Variants in PALMD observed in about 807,000 individuals in gnomAD.
The protein encoded by PALMD is paralemmin-like protein.
PALMD carries 42 observed loss-of-function variants against 56.2 expected under a neutral mutation model. The observed-to-expected ratio is 0.75, with a 90% CI of 0.58 to 0.97. PALMD has a LOEUF of 0.97. Ranked by LOEUF, PALMD falls within the 50% of genes least tolerant of loss-of-function variation. The pLI, the probability that PALMD is intolerant of heterozygous loss-of-function variation, is 0.00. For synonymous variants in PALMD, 242 were observed against 222.9 expected (o/e 1.09, Z -0.76); for missense variants, 660 against 643.8 (o/e 1.03, Z -0.27).
chr1:99,656,546 T>A (rs1382234231), intron 1 of PALMD, among the ~76,000 whole-genome samples: 3 of 152,162 alleles, frequency 2.0e-5, no homozygotes, highest in Non-Finnish European at 4.4e-5. Flanking sequence ...TCTGAAAACA[T>A]TCAACTATTT....
At chr1:99,652,949 T>C in intron 1 of PALMD, among the ~76,000 whole-genome samples, 1 of 152,116 alleles carries the variant, frequency 6.6e-6, no homozygotes, top group East Asian at 1.9e-4. Context: ...TCAGAAGTAT[T>C]TGTTATTGTT....
intron 3 of PALMD, among the ~76,000 whole-genome samples, chr1:99,683,033 AAAG>A (rs1653387245): frequency 7.7e-5 from 1 of 12,992 alleles, no homozygotes; most frequent in South Asian, 2.4e-3. Flanking sequence ...AGAAAGAAAG[AAAG>A]AAAGAAAGAA....
chr1:99,670,565 C>T (rs2100863905), intron 3 of PALMD, among the ~76,000 whole-genome samples: 1 of 152,144 alleles, frequency 6.6e-6, no homozygotes, highest in South Asian at 2.1e-4. Context: ...AATGCAAATG[C>T]TCTAGAAATA....
intron 3 of PALMD, among the ~76,000 whole-genome samples, chr1:99,674,777 C>A (rs966826028): frequency 3.9e-5 from 6 of 152,138 alleles, no homozygotes; most frequent in Non-Finnish European, 8.8e-5. Flanking sequence ...AAAGACAAAA[C>A]AAAGGAGCAA....
At chr1:99,653,198 G>C (rs1652634391) in intron 1 of PALMD, among the ~76,000 whole-genome samples, 1 of 152,166 alleles carries the variant, frequency 6.6e-6, no homozygotes, top group African/African-American at 2.4e-5. Context: ...TCCTGGGTGA[G>C]TGAATGAATG....
At chr1:99,673,594 A>G (rs1653137421) in intron 3 of PALMD, among the ~76,000 whole-genome samples, 1 of 152,180 alleles carries the variant, frequency 6.6e-6, no homozygotes, top group South Asian at 2.1e-4. Context: ...AATCGTTCCA[A>G]GCATGTTTTT....
intron 1 of PALMD, among the ~76,000 whole-genome samples, chr1:99,650,781 C>G (rs1652565037): frequency 6.6e-6 from 1 of 152,130 alleles, no homozygotes; most frequent in East Asian, 1.9e-4. Context: ...GGTCACAAAC[C>G]CAAGAAGTCA....
At chr1:99,671,343 T>C (rs1438242094) in intron 3 of PALMD, among the ~76,000 whole-genome samples, 1 of 152,226 alleles carries the variant, frequency 6.6e-6, no homozygotes, top group Non-Finnish European at 1.5e-5. Flanking sequence ...ATCCCTCTTC[T>C]GCTGACATAG....
At chr1:99,666,586 C>T (rs1652968029) in intron 2 of PALMD, among the ~76,000 whole-genome samples, 2 of 152,030 alleles carry the variant, frequency 1.3e-5, no homozygotes, top group South Asian at 4.2e-4. Context: ...AAATAAAGTT[C>T]CCATTCTCTC....
intron 3 of PALMD, among the ~76,000 whole-genome samples, chr1:99,674,992 C>T (rs1006843284): frequency 1.3e-5 from 2 of 152,212 alleles, no homozygotes; most frequent in African/African-American, 2.4e-5. Context: ...CCACACCCAC[C>T]CCCTTGCGAT....
At chr1:99,655,243 C>A (rs987090077) in intron 1 of PALMD, among the ~76,000 whole-genome samples, 1 of 151,874 alleles carries the variant, frequency 6.6e-6, no homozygotes, top group Admixed American at 6.6e-5. Flanking sequence ...GAATTATGGT[C>A]ATTTTTTAAA....
At chr1:99,676,801 G>A (rs80169014) in intron 3 of PALMD, among the ~76,000 whole-genome samples, 1 of 151,874 alleles carries the variant, frequency 6.6e-6, no homozygotes, top group Non-Finnish European at 1.5e-5. Flanking sequence ...GAAAAAAAAA[G>A]CTCACCTTCT....
rs564394325 is a variant in PALMD at position 99,687,262 on chromosome 1, C to G, written c.514+73C>G. On this transcript the variant is annotated intron_variant, in intron 6 of 7. Coordinates refer to ENST00000263174, the MANE Select transcript of PALMD (RefSeq NM_017734.5). ...TACAGTGTCAAATATTCACAACTTG[C>G]TATGACATATTATTCTTCCAGGTTA... The G allele has an allele frequency of 7.9e-5, 117 of 1,471,730 alleles. 3 individuals carry two copies. In the South Asian group the frequency reaches 1.7e-3, roughly 21 times the overall value. The allele number at this position is 1,471,730 out of a possible 1,614,324, so 91.2% of individuals were successfully genotyped here.
chr1:99,685,482 C>T (rs1224528999), intron 3 of PALMD: 1 of 152,194 alleles, frequency 6.6e-6, no homozygotes, highest in Non-Finnish European at 1.5e-5. Flanking sequence ...CTGTGGCATA[C>T]AAGAAAACCT....
In PALMD at chr1:99,694,056, G is replaced by A. The variant is rs1653723261; in HGVS notation, c.1650G>A (p.Val550=). 6.3e-7 allele frequency: 1 copy of A among 1,596,882 alleles called. No homozygotes were observed. Among genetic ancestry groups the A allele is most frequent in the Admixed American group, 1.7e-5 (1 of 59,568 alleles). Residue 550 remains valine (V), a synonymous_variant, in exon 8 of 8, where the codon GTG becomes GTA. Transcript: ENST00000263174. ...RMRMAKLGKK[V]I is the part of the protein sequence containing the mutation. ...GAATGGCAAAGCTGGGAAAAAAGGT[G>A]ATCTAAGAGTTGTACCACCTATATA...
At chr1:99,688,684 T>C (rs939291690) in intron 6 of PALMD, 91 bp from the exon 7 acceptor site, 11 of 795,040 alleles carry the variant, frequency 1.4e-5, no homozygotes, top group Non-Finnish European at 1.4e-5. Flanking sequence ...ACATGAAGGG[T>C]CTACTTAATA....
chr1:99,667,517 C>T (rs1212606976), intron 2 of PALMD, 125 bp from the exon 3 acceptor site: 3 of 781,488 alleles, frequency 3.8e-6, no homozygotes, highest in Non-Finnish European at 6.5e-6. Context: ...TCAGGCAAGG[C>T]ACTGACAGAA....
chr1:99,687,488 A>G (rs1653529981), intron 6 of PALMD, among the ~76,000 whole-genome samples: 1 of 152,188 alleles, frequency 6.6e-6, no homozygotes, highest in Non-Finnish European at 1.5e-5. Flanking sequence ...CTCCTGACAT[A>G]TTCCATCCAA....
intron 1 of PALMD, among the ~76,000 whole-genome samples, chr1:99,657,926 G>C (rs1652761925): frequency 6.6e-6 from 1 of 152,114 alleles, no homozygotes; most frequent in Non-Finnish European, 1.5e-5. Flanking sequence ...CATCAGCTAG[G>C]AACAACCTCT....
Sources: allele counts gnomAD v4.1 joint callset (sites outside exome capture counted in the v4.1 genomes callset), GRCh38; gene constraint gnomAD v4.1.1; transcripts MANE v1.5; gene names NCBI Gene and HGNC (gene_info 2026-07-23, HGNC 2026-07-21).